Variants in ITCH observed in about 807,000 individuals in gnomAD.
ITCH encodes E3 ubiquitin-protein ligase Itchy homolog.
ITCH carries 28 observed loss-of-function variants against 126.8 expected under a neutral mutation model. That is an observed-to-expected ratio of 0.22 (90% CI 0.16 to 0.30). The LOEUF is 0.30. Ranked by LOEUF, ITCH falls within the 10% of genes least tolerant of loss-of-function variation. ITCH has a pLI of 1.00. For missense variants in ITCH, 631 were observed against 1,032.4 expected, an observed-to-expected ratio of 0.61 and a Z score of 5.33; for synonymous variants, 342 against 340.0, an observed-to-expected ratio of 1.01 and a Z score of -0.06.
At position 34,434,437 on chromosome 20, in the gene ITCH, A is replaced by T. The variant is rs145266921; in HGVS notation, c.522-4037A>T. On this transcript the variant is annotated intron_variant, in intron 7 of 24. Coordinates refer to ENST00000374864, the MANE Select transcript of ITCH (RefSeq NM_031483.7). The stretch of plus-strand genomic sequence containing the variant: ...GAAACATTTTAGGTTTGGGTGCTTG[A>T]TTATATTTGTAGAGTAAGACAAAAG... Among the ~76,000 whole-genome samples the T allele has an allele frequency of 1.7e-3, 254 of 152,372 alleles. 1 individual carries two copies. The highest frequency in any genetic ancestry group is 3.4e-3 in the Middle Eastern group (1 of 294).
rs1392424217 is a variant in ITCH at position 34,467,472 on chromosome 20, G to A, written c.1425-2576G>A. Among the ~76,000 whole-genome samples, 12 of 150,560 alleles carry A rather than the reference G, an allele frequency of 8.0e-5. 1 individual carries two copies. Among genetic ancestry groups the A allele is most frequent in the Non-Finnish European group, 1.2e-4 (8 of 67,788 alleles). On this transcript the variant is annotated intron_variant, in intron 14 of 24. Transcript: ENST00000374864. ...TGAGCCCAGGAAGCTGTGGTGAACC[G>A]AGATCGCGCCACTGTACTTGAGCCT...
chr20:34,435,778 T>C (rs1011857774), intron 7 of ITCH, among the ~76,000 whole-genome samples: 6 of 152,116 alleles, frequency 3.9e-5, no homozygotes, highest in South Asian at 2.1e-4. Context: ...GGTGAAGGAA[T>C]TGAAACTACT....
intron 7 of ITCH, among the ~76,000 whole-genome samples, chr20:34,435,860 G>A (rs534751737): frequency 1.8e-4 from 28 of 152,276 alleles, no homozygotes; most frequent in African/African-American, 6.5e-4. Context: ...ATTCTGGAAG[G>A]AGTTGAAGGT....
chr20:34,499,406 G>C (rs1990108674), intron 23 of ITCH, among the ~76,000 whole-genome samples: 1 of 146,440 alleles, frequency 6.8e-6, no homozygotes, highest in East Asian at 2.0e-4. Flanking sequence ...CAGCTTTTCT[G>C]CTTTTTCTTG....
intron 11 of ITCH, among the ~76,000 whole-genome samples, chr20:34,449,170 A>T (rs1984852750): frequency 1.3e-5 from 2 of 152,162 alleles, no homozygotes; most frequent in South Asian, 4.1e-4. Context: ...GGGGATGAGG[A>T]TTACATATAT....
intron 2 of ITCH, among the ~76,000 whole-genome samples, chr20:34,379,780 G>A (rs2037983936): frequency 6.6e-6 from 1 of 151,486 alleles, no homozygotes; most frequent in Admixed American, 6.6e-5. Context: ...TGTGTTTTTA[G>A]TAGAGACAGG....
chr20:34,428,710 G>A (rs1981890692), intron 7 of ITCH, among the ~76,000 whole-genome samples: 1 of 152,080 alleles, frequency 6.6e-6, no homozygotes, highest in East Asian at 1.9e-4. Flanking sequence ...GAGCCACCAC[G>A]CCCAGCACAT....
At chr20:34,438,159 T>G (rs1983258350) in intron 7 of ITCH, among the ~76,000 whole-genome samples, 1 of 152,176 alleles carries the variant, frequency 6.6e-6, no homozygotes, top group African/African-American at 2.4e-5. Context: ...GAACTTGACT[T>G]TGTTCCTGTT....
rs116158941 is a variant in ITCH at position 34,426,117 on chromosome 20, G to T, written c.521+1592G>T. Among the ~76,000 whole-genome samples the T allele has an allele frequency of 7.7e-3, 1,178 of 152,294 alleles. 16 individuals carry two copies. The highest frequency in any genetic ancestry group is 0.027 in the African/African-American group (1,114 of 41,558). On this transcript the variant is annotated intron_variant, in intron 7 of 24. Transcript: ENST00000374864. The stretch of plus-strand genomic sequence containing the variant: ...TGATTCTGCTTTTAAAGTAGTGAGT[G>T]GCATGTCTTAACCACAGAGTGCAGT...
chr20:34,374,608 T>A (rs530390203), intron 2 of ITCH, among the ~76,000 whole-genome samples: 1 of 152,304 alleles, frequency 6.6e-6, no homozygotes, highest in Non-Finnish European at 1.5e-5. Flanking sequence ...CATTGTAAAT[T>A]TAAATGCCTG....
intron 11 of ITCH, 100 bp downstream of exon 11, chr20:34,445,561 T>G (rs1465189715): frequency 1.8e-5 from 21 of 1,141,640 alleles, no homozygotes; most frequent in Non-Finnish European, 2.6e-5. Flanking sequence ...GCAAGTAGCA[T>G]GGCAACCCAG....
At chr20:34,501,550 C>T (rs1359243008) in intron 23 of ITCH, among the ~76,000 whole-genome samples, 2 of 151,780 alleles carry the variant, frequency 1.3e-5, no homozygotes, top group Admixed American at 6.6e-5. Flanking sequence ...CTGAGGCGGG[C>T]GGATCACCTG....
rs10667439 is a variant in ITCH, at chr20:34,471,777, TTG to T, written c.1569+280_1569+281del. ...TAAATGCATAGGTAAGATAATAGGT[TTG>T]TGTGTGTGTGTGTGTGTTTCAGGTT... On this transcript the variant is annotated intron_variant, in intron 16 of 24. Transcript: ENST00000374864. Among the ~76,000 whole-genome samples, 206 of 53,878 alleles carry T rather than the reference TTG, an allele frequency of 3.8e-3. 15 individuals are homozygous for T. Among genetic ancestry groups the T allele is most frequent in the African/African-American group, 0.013 (200 of 15,772 alleles). The allele number at this position is 53,878 out of a possible 152,430, so 35.3% of individuals were successfully genotyped here. A position where few individuals can be genotyped will look rare whatever the true frequency, so the allele number is the denominator to read the frequency against.
At position 34,508,065 on chromosome 20, in the gene ITCH, C is replaced by G; in HGVS notation, c.*271C>G. On this transcript the variant is annotated 3_prime_UTR_variant, in exon 25 of 25. Coordinates refer to ENST00000374864, the MANE Select transcript of ITCH (RefSeq NM_031483.7). ...CCTTGTCTTATTCCACTAGTTTATT[C>G]CTTTAACAACAATATTTTATGTGTG... The G allele has an allele frequency of 2.4e-6, 1 of 409,388 alleles. No individual in the cohort carries two copies. Among genetic ancestry groups the G allele is most frequent in the Non-Finnish European group, 4.6e-6 (1 of 216,538 alleles). 25.4% of individuals were successfully genotyped at this position (409,388 alleles called of 1,614,324 possible). A position where few individuals can be genotyped will look rare whatever the true frequency, so the allele number is the denominator to read the frequency against.
chr20:34,380,950 G>T (rs1257766719), intron 2 of ITCH, among the ~76,000 whole-genome samples: 2 of 151,546 alleles, frequency 1.3e-5, no homozygotes, highest in Admixed American at 1.3e-4. Context: ...ACTGCACCTG[G>T]GTAATTTTTG....
intron 3 of ITCH, among the ~76,000 whole-genome samples, chr20:34,405,117 G>A (rs2039013306): frequency 6.7e-6 from 1 of 148,534 alleles, no homozygotes; most frequent in African/African-American, 2.5e-5. Context: ...TCTCCAGCCT[G>A]GGTGACAGAA....
At position 34,437,697 on chromosome 20, in the gene ITCH, G is replaced by T. The variant is rs1217608046; in HGVS notation, c.522-777G>T. On this transcript the variant is annotated intron_variant, in intron 7 of 24. Coordinates refer to ENST00000374864, the MANE Select transcript of ITCH (RefSeq NM_031483.7). ...GTTAGTACTGTGTAGTGGTTTGGAG[G>T]TAGTACATACCAGAGCCTTGGCTGA... 9.8e-5 allele frequency among the ~76,000 whole-genome samples: 15 copies of T among 152,306 alleles called. No individual in the cohort carries two copies. In the South Asian group the frequency reaches 2.5e-3, roughly 25 times the overall value.
At chr20:34,443,268 T>G (rs1399803100) in intron 10 of ITCH, among the ~76,000 whole-genome samples, 1 of 152,024 alleles carries the variant, frequency 6.6e-6, no homozygotes, top group African/African-American at 2.4e-5. Flanking sequence ...TCCCAGCACC[T>G]TGGGAGGCTG....
At chr20:34,496,803 C>CAAAAA (rs60619641) in intron 23 of ITCH, among the ~76,000 whole-genome samples, 2 of 99,408 alleles carry the variant, frequency 2.0e-5, no homozygotes, top group African/African-American at 3.8e-5. Context: ...CACTCCATCT[C>CAAAAA]AAAAAAAAAA....
Sources: gnomAD v4.1 joint callset for allele counts (sites outside exome capture counted in the v4.1 genomes callset) on GRCh38, gnomAD v4.1.1 for gene constraint, MANE v1.5 for transcripts, NCBI Gene and HGNC (gene_info 2026-07-23, HGNC 2026-07-21) for gene names.